The following IQCH variants were observed in gnomAD, a reference collection of about 807,000 sequenced individuals.
The protein encoded by IQCH is IQ domain-containing protein H.
Under a neutral mutation model 117.0 loss-of-function variants are expected in IQCH, and 98 were observed. The observed-to-expected ratio is 0.84, with a 90% CI of 0.71 to 0.99. The LOEUF (loss-of-function observed/expected upper bound fraction) is 0.99, where lower values mean the gene tolerates loss of function less well. IQCH is among the 50% of genes least tolerant of loss of function. The probability of loss-of-function intolerance (pLI) is 0.00; values close to 1 mark genes in which losing one functional copy is unlikely to be tolerated. For synonymous variants in IQCH, 412 were observed against 448.2 expected, an observed-to-expected ratio of 0.92 and a Z score of 1.02; for missense variants, 1,102 against 1,243.8, an observed-to-expected ratio of 0.89 and a Z score of 1.72.
Position 67,300,745 on chromosome 15 carries a change from C to T in IQCH, c.387+21233C>T, listed in dbSNP as rs552101386. ...GTGTCATTTTATGGTCTACCCATGT[C>T]TGGGGAGCTGGCATTACACACTGCC... On this transcript the variant is annotated intron_variant, in intron 4 of 20. Coordinates refer to ENST00000335894, the MANE Select transcript of IQCH (RefSeq NM_001031715.3). Among the ~76,000 whole-genome samples, 3 of 152,276 alleles carry T rather than the reference C, an allele frequency of 2.0e-5. No individual in the cohort carries two copies. The South Asian group carries it at 6.2e-4, about 32-fold the overall frequency.
chr15:67,428,186 A>G (rs936391190), intron 16 of IQCH, among the ~76,000 whole-genome samples: 1 of 152,238 alleles, frequency 6.6e-6, no homozygotes, highest in African/African-American at 2.4e-5. Context: ...CATACTATGA[A>G]GACATTAAAA....
At chr15:67,484,127 C>T (rs1035456826) in intron 18 of IQCH, among the ~76,000 whole-genome samples, 1 of 152,130 alleles carries the variant, frequency 6.6e-6, no homozygotes, top group Admixed American at 6.5e-5. Context: ...TTAGTCCAGG[C>T]ATAGTGGTTT....
chr15:67,449,274 G>A (rs1306071949), intron 16 of IQCH, among the ~76,000 whole-genome samples: 1 of 152,122 alleles, frequency 6.6e-6, no homozygotes, highest in Non-Finnish European at 1.5e-5. Context: ...ATTGCTTTTG[G>A]GGTTTTAGAC....
At chr15:67,478,353 C>A (rs2083257611) in intron 18 of IQCH, among the ~76,000 whole-genome samples, 1 of 151,826 alleles carries the variant, frequency 6.6e-6, no homozygotes, top group Non-Finnish European at 1.5e-5. Context: ...CCACTGCACT[C>A]CAGCCTGGGC....
rs2083334504 is a variant in IQCH, at chr15:67,481,390, C to T, written c.2799+5572C>T. 6.6e-6 allele frequency among the ~76,000 whole-genome samples: 1 copy of T among 152,124 alleles called. No homozygotes were observed. The highest frequency in any genetic ancestry group is 2.4e-5 in the African/African-American group (1 of 41,410). On this transcript the variant is annotated intron_variant, in intron 18 of 20. Transcript: ENST00000335894. The surrounding 1 kb of genome is among the most constrained non-coding windows in gnomAD (Gnocchi z 4.1). ...GTGCCGAGCAAAGGGGGAACATCCC[C>T]TTATAAAATCATCAGATTGAGTGAG...
At position 67,388,618 on chromosome 15, in the gene IQCH, G is replaced by T. The variant is rs3825979; in HGVS notation, c.1457-213G>T. 2.0e-5 allele frequency among the ~76,000 whole-genome samples: 3 copies of T among 152,150 alleles called. No homozygotes were observed. The highest frequency in any genetic ancestry group is 3.9e-4 in the East Asian group (2 of 5,180). On this transcript the variant is annotated intron_variant, in intron 11 of 20. Transcript: ENST00000335894. This position sits in a 1 kb window ranked among gnomAD's most constrained non-coding sequence, Gnocchi z 5.5. ...AGGAATCATTGCATCTATTTCGTTG[G>T]TGGTGGTGTTATTTATATTTTCTTT...
At position 67,273,077 on chromosome 15, in the gene IQCH, A is replaced by T. The variant is rs542205630; in HGVS notation, c.270-6318A>T. ...TTTTTTATTTATTTTTAATTAATTA[A>T]TTTATTTTTTGGAGACAGGGTCTCT... On this transcript the variant is annotated intron_variant, in intron 3 of 20. Transcript: ENST00000335894. Among the ~76,000 whole-genome samples, 18 of 151,730 alleles carry T rather than the reference A, an allele frequency of 1.2e-4. No homozygotes were observed. In the South Asian group the frequency reaches 3.7e-3, roughly 32 times the overall value.
intron 4 of IQCH, among the ~76,000 whole-genome samples, chr15:67,286,303 C>T (rs191982546): frequency 4.1e-4 from 63 of 152,252 alleles, no homozygotes; most frequent in African/African-American, 1.4e-3. Flanking sequence ...CTTTACTGAA[C>T]ATGTTTATTA....
chr15:67,318,384 C>T (rs1009283329), intron 4 of IQCH, among the ~76,000 whole-genome samples: 9 of 152,126 alleles, frequency 5.9e-5, no homozygotes, highest in Non-Finnish European at 8.8e-5. Flanking sequence ...TAATGAACAA[C>T]ATCAGAGAAC....
chr15:67,409,505 ACG>A (rs1041139196), intron 14 of IQCH, among the ~76,000 whole-genome samples: 5 of 152,208 alleles, frequency 3.3e-5, no homozygotes, highest in Non-Finnish European at 7.3e-5. Context: ...GTTGGACAAA[ACG>A]CTTCTCGAGT....
In IQCH at chr15:67,475,828, G is replaced by C. The variant is rs1272668673; in HGVS notation, c.2799+10G>C. On this transcript the variant is annotated intron_variant, in intron 18 of 20. Transcript: ENST00000335894. The surrounding 1 kb of genome is among the most constrained non-coding windows in gnomAD (Gnocchi z 5.7). ...TGGCTATGATGTTGAGGTATGAAGGGTTACAGTTGGCCAGGGGCGGCCAAA... is the reference window on the plus strand; with the variant it reads ...TGGCTATGATGTTGAGGTATGAAGGCTTACAGTTGGCCAGGGGCGGCCAAA... 6 of 1,612,866 alleles carry C rather than the reference G, an allele frequency of 3.7e-6. No homozygotes were observed. The highest frequency in any genetic ancestry group is 4.2e-6 in the Non-Finnish European group (5 of 1,179,450).
chr15:67,271,351 G>A (rs964177366), intron 3 of IQCH, among the ~76,000 whole-genome samples: 1 of 152,148 alleles, frequency 6.6e-6, no homozygotes, highest in Non-Finnish European at 1.5e-5. Flanking sequence ...ATTTATGAGT[G>A]GTATTGGCCT....
Position 67,388,715 on chromosome 15 carries a change from A to T in IQCH, c.1457-116A>T. The T allele has an allele frequency of 1.2e-6, 1 of 860,280 alleles. No homozygotes were observed. 53.3% of individuals were successfully genotyped at this position (860,280 alleles called of 1,614,324 possible). A position where few individuals can be genotyped will look rare whatever the true frequency, so the allele number is the denominator to read the frequency against. ...TACAAAACCAAACTAAATTAACCTTAACCTGGGTTTTGGATATGCTCTTTA... is the reference window on the plus strand; with the variant it reads ...TACAAAACCAAACTAAATTAACCTTTACCTGGGTTTTGGATATGCTCTTTA... On this transcript the variant is annotated intron_variant, in intron 11 of 20. Coordinates refer to ENST00000335894, the MANE Select transcript of IQCH (RefSeq NM_001031715.3). The surrounding 1 kb of genome is among the most constrained non-coding windows in gnomAD (Gnocchi z 5.5).
chr15:67,406,906 AC>A lies in IQCH; in HGVS notation c.2097+6603del, dbSNP rs1971930635. On this transcript the variant is annotated intron_variant, in intron 14 of 20. Coordinates refer to ENST00000335894, the MANE Select transcript of IQCH (RefSeq NM_001031715.3). This position sits in a 1 kb window ranked among gnomAD's most constrained non-coding sequence, Gnocchi z 4.5. ...ACATAATAAGACTTTAAGAAATGCT[AC>A]CTATTATTATTGTTGTTATTATTAC... is the stretch of plus-strand genomic sequence containing the variant. 2 of 152,256 alleles carry A rather than the reference AC, an allele frequency of 1.3e-5. No homozygotes were observed. The highest frequency in any genetic ancestry group is 2.9e-5 in the Non-Finnish European group (2 of 68,048). 9.4% of individuals were successfully genotyped at this position (152,256 alleles called of 1,614,324 possible). A position where few individuals can be genotyped will look rare whatever the true frequency, so the allele number is the denominator to read the frequency against.
At chr15:67,307,187 C>A in intron 4 of IQCH, 1 of 929,094 alleles carries the variant, frequency 1.1e-6, no homozygotes, top group Non-Finnish European at 1.3e-6. Context: ...TTCTTTGGTT[C>A]TACTTTCCAA....
In IQCH at chr15:67,467,008, G is replaced by A. The variant is rs1014372875; in HGVS notation, c.2676+1711G>A. 4 of 152,594 alleles carry A rather than the reference G, an allele frequency of 2.6e-5. No homozygotes were observed. The highest frequency in any genetic ancestry group is 1.9e-4 in the East Asian group (1 of 5,202). 9.5% of individuals were successfully genotyped at this position (152,594 alleles called of 1,614,324 possible). On this transcript the variant is annotated intron_variant, in intron 17 of 20. Coordinates refer to ENST00000335894, the MANE Select transcript of IQCH (RefSeq NM_001031715.3). This position sits in a 1 kb window ranked among gnomAD's most constrained non-coding sequence, Gnocchi z 5.7. ...GGAGGCCGAGGCGGGCAGATCATTTGAGCCTAGGAGTTCTAGACCAGCCTA... is the reference window on the plus strand; with the variant it reads ...GGAGGCCGAGGCGGGCAGATCATTTAAGCCTAGGAGTTCTAGACCAGCCTA...
rs541869033 is a variant in IQCH at position 67,425,568 on chromosome 15, C to T, written c.2505+3991C>T. Among the ~76,000 whole-genome samples, 8 of 152,212 alleles carry T rather than the reference C, an allele frequency of 5.3e-5. No homozygotes were observed. The highest frequency in any genetic ancestry group is 4.1e-4 in the South Asian group (2 of 4,822). ...TGGAGGTTGCAGTGAGCCAAGATCG[C>T]GCCACTGCACTCCAGCCTGGGCGAC... On this transcript the variant is annotated intron_variant, in intron 16 of 20. Transcript: ENST00000335894. This position sits in a 1 kb window ranked among gnomAD's most constrained non-coding sequence, Gnocchi z 5.5.
chr15:67,373,441 A>G lies in IQCH; in HGVS notation c.1372+8A>G. 1 of 1,589,132 alleles carries G rather than the reference A, an allele frequency of 6.3e-7. No individual in the cohort carries two copies. Among genetic ancestry groups the G allele is most frequent in the Non-Finnish European group, 8.6e-7 (1 of 1,157,556 alleles). On this transcript the variant is annotated splice_region_variant and intron_variant, in intron 10 of 20. Coordinates refer to ENST00000335894, the MANE Select transcript of IQCH (RefSeq NM_001031715.3). ...TCCATATCCCATCATTAGGTATAACACTTTTGCCTGCAAATCTATCAGCAA... is the reference window on the plus strand; with the variant it reads ...TCCATATCCCATCATTAGGTATAACGCTTTTGCCTGCAAATCTATCAGCAA...
At position 67,393,707 on chromosome 15, in the gene IQCH, GT is replaced by G. The variant is rs1971363256; in HGVS notation, c.1633-1580del. Among the ~76,000 whole-genome samples the G allele has an allele frequency of 6.6e-6, 1 of 151,830 alleles. No individual in the cohort carries two copies. The highest frequency in any genetic ancestry group is 2.4e-5 in the African/African-American group (1 of 41,326). On this transcript the variant is annotated intron_variant, in intron 12 of 20. Transcript: ENST00000335894. The surrounding 1 kb of genome is among the most constrained non-coding windows in gnomAD (Gnocchi z 5.5). The stretch of plus-strand genomic sequence containing the variant: ...TGGCTAATTTTTTTGTAGATAGGGG[GT>G]TTTGCCACGTTGCCCAGGCTGGTCT...
Sources: gnomAD v4.1 joint callset for allele counts (sites outside exome capture counted in the v4.1 genomes callset) on GRCh38, gnomAD v4.1.1 for gene constraint, Gnocchi (gnomAD v3.1) non-coding constraint, MANE v1.5 for transcripts, NCBI Gene and HGNC (gene_info 2026-07-23, HGNC 2026-07-21) for gene names.